CADM2: variants seen among roughly 807,000 people sequenced by gnomAD.
CADM2 encodes the protein immunoglobulin superfamily member 4D.
A neutral mutation model predicts 49.8 loss-of-function variants in CADM2; 12 were observed. That is an observed-to-expected ratio of 0.24 (90% CI 0.15 to 0.39). CADM2 has a LOEUF of 0.39. Ranked by LOEUF, CADM2 falls within the 10% of genes least tolerant of loss-of-function variation. CADM2 has a pLI of 1.00. For synonymous variants in CADM2, 214 were observed against 175.4 expected (o/e 1.22, Z -1.74); for missense variants, 378 against 492.3 (o/e 0.77, Z 2.20).
At chr3:85,424,113 G>T (rs911734066) in intron 1 of CADM2, among the ~76,000 whole-genome samples, 2 of 151,930 alleles carry the variant, frequency 1.3e-5, no homozygotes, top group African/African-American at 4.8e-5. Context: ...TAACACTACT[G>T]GAGAGATTTT....
At chr3:84,960,768 T>C (rs904950261) in intron 1 of CADM2, among the ~76,000 whole-genome samples, 2 of 152,082 alleles carry the variant, frequency 1.3e-5, no homozygotes, top group African/African-American at 4.8e-5. Context: ...GTGAGGGGGC[T>C]GTGTGGAATG....
In CADM2 at chr3:85,371,677, GTATATATATA is replaced by G. The variant is rs1167720851; in HGVS notation, c.62-354817_62-354808del. Among the ~76,000 whole-genome samples, 90 of 95,138 alleles carry G rather than the reference GTATATATATA, an allele frequency of 9.5e-4. 2 individuals are homozygous for G. The highest frequency in any genetic ancestry group is 2.8e-3 in the African/African-American group (62 of 22,532). 62.4% of individuals were successfully genotyped at this position (95,138 alleles called of 152,430 possible). On this transcript the variant is annotated intron_variant, in intron 1 of 9. Transcript: ENST00000383699. ...TATATATATATGTGTGTGTGTGTGT[GTATATATATA>G]TATATATATATATATATATATATAT...
chr3:85,261,109 T>A (rs1197825981), intron 1 of CADM2, among the ~76,000 whole-genome samples: 1 of 152,080 alleles, frequency 6.6e-6, no homozygotes, highest in Non-Finnish European at 1.5e-5. Context: ...AACAGACATG[T>A]TTTTACATTT....
chr3:85,459,585 G>A (rs151060438), intron 1 of CADM2, among the ~76,000 whole-genome samples: 259 of 152,276 alleles, frequency 1.7e-3, no homozygotes, highest in African/African-American at 5.8e-3. Context: ...CTAACCAGAT[G>A]CTGAAATAAA....
chr3:85,619,346 T>G (rs10212294), intron 1 of CADM2, among the ~76,000 whole-genome samples: 117,843 of 150,940 alleles, frequency 0.78, 48,256 homozygotes, highest in East Asian at 0.92. Context: ...ACTTTAAACT[T>G]TCAAAAAGAA....
At chr3:84,971,263 T>C (rs573932700) in intron 1 of CADM2, among the ~76,000 whole-genome samples, 1 of 152,228 alleles carries the variant, frequency 6.6e-6, no homozygotes, top group Non-Finnish European at 1.5e-5. Context: ...ACACTAAAAG[T>C]ACTGATTTTA....
chr3:85,295,109 C>T (rs1376135772), intron 1 of CADM2, among the ~76,000 whole-genome samples: 3 of 152,274 alleles, frequency 2.0e-5, no homozygotes, highest in South Asian at 2.1e-4. Flanking sequence ...AAACAAACAA[C>T]CCCATCAAAA....
chr3:85,961,488 A>G lies in CADM2; in HGVS notation c.811A>G (p.Thr271Ala). 1 of 1,603,330 alleles carries G rather than the reference A, an allele frequency of 6.2e-7. No homozygotes were observed. The highest frequency in any genetic ancestry group is 8.5e-7 in the Non-Finnish European group (1 of 1,172,418). The stretch of plus-strand genomic sequence containing the variant: ...CAATAGGCCAGAACCTGTTTTGTGG[A>G]CAAAGGATGGCGGAGAATTACCAGA... ...GKPLPEPVLW[T>A]KDGGELPDPD... Residue 271 changes from threonine (T) to alanine (A), a missense_variant, in exon 8 of 10, where the codon ACA becomes GCA. Physicochemically the swap from Thr to Ala is moderately conservative, Grantham distance 58 (BLOSUM62 0). Coordinates refer to ENST00000383699, the MANE Select transcript of CADM2 (RefSeq NM_001167675.2).
chr3:86,022,420 C>T (rs1379313783), intron 8 of CADM2, among the ~76,000 whole-genome samples: 1 of 152,074 alleles, frequency 6.6e-6, no homozygotes, highest in East Asian at 1.9e-4. Context: ...CCTTCTCTTT[C>T]AAACTTATTT....
intron 1 of CADM2, among the ~76,000 whole-genome samples, chr3:85,351,748 T>C (rs1216193557): frequency 6.6e-6 from 1 of 152,182 alleles, no homozygotes; most frequent in Non-Finnish European, 1.5e-5. Flanking sequence ...TGGGCCTGTC[T>C]ATATTTGAAT....
chr3:85,655,019 C>T (rs1194422838), intron 1 of CADM2, among the ~76,000 whole-genome samples: 1 of 152,108 alleles, frequency 6.6e-6, no homozygotes, highest in African/African-American at 2.4e-5. Context: ...CAAGGTCACA[C>T]TGTTAGTTGA....
At chr3:85,400,164 G>T (rs1404758269) in intron 1 of CADM2, among the ~76,000 whole-genome samples, 1 of 152,100 alleles carries the variant, frequency 6.6e-6, no homozygotes, top group Non-Finnish European at 1.5e-5. Context: ...ATGAAGCGTT[G>T]TTGAGTTTTG....
chr3:85,237,891 A>G (rs1457351036), intron 1 of CADM2, among the ~76,000 whole-genome samples: 1 of 151,910 alleles, frequency 6.6e-6, no homozygotes, highest in Non-Finnish European at 1.5e-5. Context: ...TTCTCTTAAA[A>G]TTGAATTTCA....
chr3:85,436,553 A>G lies in CADM2; in HGVS notation c.62-289969A>G, dbSNP rs528619922. On this transcript the variant is annotated intron_variant, in intron 1 of 9. Coordinates refer to ENST00000383699, the MANE Select transcript of CADM2 (RefSeq NM_001167675.2). ...GCATGATATTGACTGTGGGTTTGTT[A>G]TAAATAGCTCTTATTATTTTGATAT... Among the ~76,000 whole-genome samples the G allele has an allele frequency of 3.5e-4, 53 of 152,288 alleles. No homozygotes were observed. In the South Asian group the frequency reaches 5.0e-3, roughly 14 times the overall value.
At chr3:85,633,235 ATTTG>A (rs2064364731) in intron 1 of CADM2, among the ~76,000 whole-genome samples, 1 of 152,026 alleles carries the variant, frequency 6.6e-6, no homozygotes, top group African/African-American at 2.4e-5. Flanking sequence ...GTGATTTCTT[ATTTG>A]TTTGTTTTAA....
intron 5 of CADM2, among the ~76,000 whole-genome samples, chr3:85,898,979 T>TA (rs1715722777): frequency 1.1e-5 from 1 of 87,042 alleles, no homozygotes; most frequent in South Asian, 3.8e-4. Context: ...TTTTTTTTTT[T>TA]TTTTGAGACG....
chr3:85,006,401 C>T (rs991796415), intron 1 of CADM2, among the ~76,000 whole-genome samples: 24 of 151,990 alleles, frequency 1.6e-4, no homozygotes, highest in African/African-American at 5.6e-4. Context: ...AGTTCCTCTT[C>T]TCCTAGCAGC....
chr3:85,454,214 G>A (rs1363276849), intron 1 of CADM2, among the ~76,000 whole-genome samples: 2 of 152,032 alleles, frequency 1.3e-5, no homozygotes, highest in African/African-American at 2.4e-5. Context: ...AATTAGCCAG[G>A]TGTGGTGGCA....
intron 1 of CADM2, among the ~76,000 whole-genome samples, chr3:85,223,476 G>T (rs1368974678): frequency 6.6e-6 from 1 of 152,094 alleles, no homozygotes; most frequent in Non-Finnish European, 1.5e-5. Flanking sequence ...CTAAATAACA[G>T]ATAAAGACTC....
Sources: gnomAD v4.1 joint callset for allele counts (sites outside exome capture counted in the v4.1 genomes callset) on GRCh38, gnomAD v4.1.1 for gene constraint, MANE v1.5 for transcripts, NCBI Gene and HGNC (gene_info 2026-07-23, HGNC 2026-07-21) for gene names.